ELAPOR1: variants seen among roughly 807,000 people sequenced by gnomAD.
The protein encoded by ELAPOR1 is endosome/lysosome-associated apoptosis and autophagy regulator 1.
Under a neutral mutation model 119.7 loss-of-function variants are expected in ELAPOR1, and 77 were observed. The ratio of observed to expected loss-of-function variants is 0.64; its 90% CI spans 0.54 to 0.78. ELAPOR1 has a LOEUF of 0.78. Ranked by LOEUF, ELAPOR1 falls within the 30% of genes least tolerant of loss-of-function variation. The pLI, the probability that ELAPOR1 is intolerant of heterozygous loss-of-function variation, is 0.00. For synonymous variants in ELAPOR1, 481 were observed against 487.2 expected (o/e 0.99, Z 0.17); for missense variants, 1,115 against 1,270.4 (o/e 0.88, Z 1.86).
At chr1:109,148,692 A>G (rs1650340658) in intron 1 of ELAPOR1, among the ~76,000 whole-genome samples, 1 of 152,204 alleles carries the variant, frequency 6.6e-6, no homozygotes, top group African/African-American at 2.4e-5. Context: ...CAAACAAGCA[A>G]TGTCCTTGGA....
At chr1:109,150,153 C>T (rs1201710068) in intron 1 of ELAPOR1, among the ~76,000 whole-genome samples, 1 of 152,180 alleles carries the variant, frequency 6.6e-6, no homozygotes, top group Non-Finnish European at 1.5e-5. Flanking sequence ...TGGCCCAGAG[C>T]GTGGTGATAC....
At chr1:109,146,717 A>T (rs666151) in intron 1 of ELAPOR1, among the ~76,000 whole-genome samples, 1 of 151,886 alleles carries the variant, frequency 6.6e-6, no homozygotes, top group Non-Finnish European at 1.5e-5. Flanking sequence ...ATCAAGATGA[A>T]CTTAGATATG....
intron 1 of ELAPOR1, among the ~76,000 whole-genome samples, chr1:109,149,936 A>C (rs1650426051): frequency 6.6e-6 from 1 of 152,200 alleles, no homozygotes. Flanking sequence ...CTAAAGGGGA[A>C]GAAGATGCAG....
Position 109,197,976 on chromosome 1 carries a change from C to T in ELAPOR1, c.2303-3C>T. The T allele has an allele frequency of 6.2e-7, 1 of 1,613,630 alleles. No homozygotes were observed. The highest frequency in any genetic ancestry group is 8.5e-7 in the Non-Finnish European group (1 of 1,179,506). Reference sequence around the variant, plus strand: ...GAACTAATTAGGAGCTCTAATTTGGCAGGGGTGACAACAGATATGACTCTG... The same window carrying T: ...GAACTAATTAGGAGCTCTAATTTGGTAGGGGTGACAACAGATATGACTCTG... On this transcript the variant is annotated splice_region_variant and splice_polypyrimidine_tract_variant and intron_variant, in intron 16 of 21. Coordinates refer to ENST00000369939, the MANE Select transcript of ELAPOR1 (RefSeq NM_020775.5).
chr1:109,194,983 G>A (rs1037189472), intron 15 of ELAPOR1, among the ~76,000 whole-genome samples: 8 of 151,992 alleles, frequency 5.3e-5, no homozygotes, highest in African/African-American at 1.7e-4. Context: ...GGTGGTGCAT[G>A]CCTGTAATCC....
chr1:109,198,477 C>T (rs1653963565), intron 17 of ELAPOR1, 96 bp from the exon 18 acceptor site: 1 of 1,125,762 alleles, frequency 8.9e-7, no homozygotes, highest in South Asian at 1.4e-5. Context: ...CTGACTTCCC[C>T]AGCAAGGGAA....
At chr1:109,175,285 C>T (rs532606157) in intron 7 of ELAPOR1, among the ~76,000 whole-genome samples, 3 of 151,896 alleles carry the variant, frequency 2.0e-5, no homozygotes, top group Non-Finnish European at 4.4e-5. Flanking sequence ...TCACCACAAC[C>T]TCTGCCTCCC....
rs1021213931 is a variant in ELAPOR1 at position 109,203,365 on chromosome 1, T to G, written c.*353T>G. 5.0e-5 allele frequency: 12 copies of G among 240,448 alleles called. No homozygotes were observed. The highest frequency in any genetic ancestry group is 8.8e-5 in the Non-Finnish European group (11 of 125,600). The allele number at this position is 240,448 out of a possible 1,614,324, so 14.9% of individuals were successfully genotyped here. On this transcript the variant is annotated 3_prime_UTR_variant, in exon 22 of 22. Transcript: ENST00000369939. ...AGTATAGAAACTATTTCCTCTGTCC[T>G]CTAACTTAAGGGCAGAAACAGCTGG...
At chr1:109,135,215 G>A (rs553724209) in intron 1 of ELAPOR1, among the ~76,000 whole-genome samples, 2 of 152,150 alleles carry the variant, frequency 1.3e-5, no homozygotes, top group Admixed American at 1.3e-4. Context: ...GATTCAATGG[G>A]TCAGTGAGAG....
intron 8 of ELAPOR1, among the ~76,000 whole-genome samples, chr1:109,185,881 C>A (rs1653012406): frequency 6.6e-6 from 1 of 152,164 alleles, no homozygotes; most frequent in Admixed American, 6.5e-5. Flanking sequence ...ATTTGTTCAA[C>A]AGTCAACAAA....
Position 109,173,553 on chromosome 1 carries a change from T to C in ELAPOR1, c.776T>C (p.Val259Ala). ...GTATGGACCAAAGTACCCAAGCCTG[T>C]GCTGGTGAGAAACATTGCCATAACA... is the stretch of plus-strand genomic sequence containing the variant. ...FSVWTKVPKP[V>A]LVRNIAITGV... Residue 259 changes from valine (V) to alanine (A), a missense_variant, in exon 6 of 22, where the codon GTG becomes GCG. Physicochemically the swap from Val to Ala is moderately conservative, Grantham distance 64. Coordinates refer to ENST00000369939, the MANE Select transcript of ELAPOR1 (RefSeq NM_020775.5). 1 of 1,614,186 alleles carries C rather than the reference T, an allele frequency of 6.2e-7. No homozygotes were observed. The highest frequency in any genetic ancestry group is 1.1e-5 in the South Asian group (1 of 91,078).
chr1:109,201,835 C>T (rs1029775829), intron 21 of ELAPOR1, among the ~76,000 whole-genome samples: 1 of 152,138 alleles, frequency 6.6e-6, no homozygotes, highest in African/African-American at 2.4e-5. Context: ...ATTTTTGGCT[C>T]ATGCCTGTAA....
At chr1:109,136,390 CCAGGGCAGAAG>C (rs1460994618) in intron 1 of ELAPOR1, among the ~76,000 whole-genome samples, 3 of 152,200 alleles carry the variant, frequency 2.0e-5, no homozygotes, top group Non-Finnish European at 4.4e-5. Flanking sequence ...TCCCCCGAAG[CCAGGGCAGAAG>C]CAGGGGCCAG....
intron 20 of ELAPOR1, 84 bp from the exon 21 acceptor site, chr1:109,200,651 C>A: frequency 7.5e-7 from 1 of 1,330,402 alleles, no homozygotes; most frequent in Non-Finnish European, 1.1e-6. Flanking sequence ...GGAATAGGAC[C>A]TGTTCATAGC....
intron 7 of ELAPOR1, among the ~76,000 whole-genome samples, chr1:109,182,034 A>T (rs1036225386): frequency 6.6e-6 from 1 of 152,080 alleles, no homozygotes; most frequent in Non-Finnish European, 1.5e-5. Flanking sequence ...ACTACTCCCA[A>T]ATAAAAATAA....
In ELAPOR1 at chr1:109,117,135, G is replaced by C. The variant is rs566188752; in HGVS notation, c.153+2799G>C. On this transcript the variant is annotated intron_variant, in intron 1 of 21. Coordinates refer to ENST00000369939, the MANE Select transcript of ELAPOR1 (RefSeq NM_020775.5). ...TCGTGAAAGCTGAGGCATCCCTCTG[G>C]ATGTAATCAGGAAACGGAGAGGTTT... Among the ~76,000 whole-genome samples, 4 of 152,308 alleles carry C rather than the reference G, an allele frequency of 2.6e-5. No homozygotes were observed. The South Asian group carries it at 8.3e-4, about 32-fold the overall frequency.
At chr1:109,169,468 C>T (rs931187784) in intron 3 of ELAPOR1, among the ~76,000 whole-genome samples, 1 of 151,982 alleles carries the variant, frequency 6.6e-6, no homozygotes, top group African/African-American at 2.4e-5. Context: ...TCGATGGTCT[C>T]GAACTCCTCA....
intron 1 of ELAPOR1, among the ~76,000 whole-genome samples, chr1:109,122,637 G>C (rs561715399): frequency 6.6e-6 from 1 of 151,618 alleles, no homozygotes; most frequent in South Asian, 2.1e-4. Context: ...CTCCAGCATG[G>C]GCAACACAGT....
intron 1 of ELAPOR1, among the ~76,000 whole-genome samples, chr1:109,134,455 A>G (rs1477418729): frequency 6.6e-6 from 1 of 152,102 alleles, no homozygotes; most frequent in African/African-American, 2.4e-5. Flanking sequence ...CTCTTCCGCC[A>G]CCAAGACCCC....
Sources: allele counts gnomAD v4.1 joint callset (sites outside exome capture counted in the v4.1 genomes callset), GRCh38; gene constraint gnomAD v4.1.1; transcripts MANE v1.5; gene names NCBI Gene and HGNC (gene_info 2026-07-23, HGNC 2026-07-21).